The following PLCE1 variants were observed in gnomAD, a reference collection of about 807,000 sequenced individuals.
PLCE1 encodes the protein phospholipase C epsilon 1, also known as 1-phosphatidylinositol 4,5-bisphosphate phosphodiesterase epsilon-1.
Under a neutral mutation model 242.8 loss-of-function variants are expected in PLCE1, and 119 were observed. That is an observed-to-expected ratio of 0.49 (90% confidence interval 0.42 to 0.57). PLCE1 has a LOEUF of 0.57. Ranked by LOEUF, PLCE1 falls within the 20% of genes least tolerant of loss-of-function variation. The pLI is 0.00. For synonymous variants in PLCE1, 945 were observed against 1,017.4 expected, an observed-to-expected ratio of 0.93 and a Z score of 1.35; for missense variants, 2,441 against 2,788.8, an observed-to-expected ratio of 0.88 and a Z score of 2.81.
Position 94,262,465 on chromosome 10 carries a change from G to A in PLCE1, c.3815-29G>A, listed in dbSNP as rs369731018. On this transcript the variant is annotated intron_variant, in intron 13 of 32. Transcript: ENST00000371380. ...CTTTGCAAAAGATGCTGGCTATCTT[G>A]TCCATGTACTGTGGTGATTCTGTTT... 3.1e-4 allele frequency: 452 copies of A among 1,438,084 alleles called. No individual in the cohort carries two copies. The South Asian group carries it at 4.7e-3, about 15-fold the overall frequency. The allele number at this position is 1,438,084 out of a possible 1,614,324, so 89.1% of individuals were successfully genotyped here.
intron 29 of PLCE1, among the ~76,000 whole-genome samples, chr10:94,320,667 T>C (rs971472823): frequency 6.6e-5 from 10 of 152,170 alleles, no homozygotes; most frequent in Non-Finnish European, 1.2e-4. Context: ...TGAGATGAGG[T>C]TGTCTACTGT....
At chr10:94,067,499 T>G (rs566423763) in intron 2 of PLCE1, among the ~76,000 whole-genome samples, 1 of 152,112 alleles carries the variant, frequency 6.6e-6, no homozygotes, top group Non-Finnish European at 1.5e-5. Context: ...TTTAAATAAG[T>G]CAGGTTCAAG....
intron 2 of PLCE1, among the ~76,000 whole-genome samples, chr10:94,084,009 G>C (rs1354744940): frequency 6.6e-6 from 1 of 152,150 alleles, no homozygotes; most frequent in Non-Finnish European, 1.5e-5. Flanking sequence ...ATTAAAGGAG[G>C]CTATCACATA....
At chr10:94,111,339 G>A (rs2135638869) in intron 2 of PLCE1, among the ~76,000 whole-genome samples, 1 of 152,304 alleles carries the variant, frequency 6.6e-6, no homozygotes, top group Non-Finnish European at 1.5e-5. Context: ...AGGCTCACTA[G>A]GACTGAGACA....
At chr10:94,020,917 C>T (rs1318988599) in intron 1 of PLCE1, among the ~76,000 whole-genome samples, 1 of 152,174 alleles carries the variant, frequency 6.6e-6, no homozygotes, top group African/African-American at 2.4e-5. Flanking sequence ...GCAGGCTCCA[C>T]CTCCTGGCTT....
intron 3 of PLCE1, among the ~76,000 whole-genome samples, chr10:94,149,166 C>T (rs1306545224): frequency 2.0e-5 from 3 of 152,208 alleles, no homozygotes; most frequent in Non-Finnish European, 2.9e-5. Context: ...AATCTACCCC[C>T]GTGTGCCAAG....
At chr10:94,033,030 C>T in intron 2 of PLCE1, among the ~76,000 whole-genome samples, 1 of 152,042 alleles carries the variant, frequency 6.6e-6, no homozygotes, top group East Asian at 1.9e-4. Flanking sequence ...TACACTGTAA[C>T]ACTATTTACA....
At chr10:94,229,976 A>G (rs1002171695) in intron 5 of PLCE1, among the ~76,000 whole-genome samples, 6 of 152,232 alleles carry the variant, frequency 3.9e-5, no homozygotes, top group Non-Finnish European at 1.5e-5. Flanking sequence ...CAGAGCTTAT[A>G]TGTGCACTTT....
At chr10:94,016,349 T>C (rs1481005660) in intron 1 of PLCE1, among the ~76,000 whole-genome samples, 1 of 152,150 alleles carries the variant, frequency 6.6e-6, no homozygotes, top group Non-Finnish European at 1.5e-5. Context: ...ATTTGCATTA[T>C]ACATAATGAG....
rs1215283955 is a variant in PLCE1, at chr10:94,319,864, C to CCTTTTTT, written c.6343-2037_6343-2036insCTTTTTT. On this transcript the variant is annotated intron_variant, in intron 29 of 32. Transcript: ENST00000371380. ...GCTCTGAGGGAGGCTCAAAGGTGCT[C>CCTTTTTT]TTTTTTTTTTTTTTTTTTTTTTTGA... Among the ~76,000 whole-genome samples, 102 of 92,938 alleles carry CCTTTTTT rather than the reference C, an allele frequency of 1.1e-3. 1 individual carries two copies. The highest frequency in any genetic ancestry group is 3.8e-3 in the African/African-American group (102 of 26,764). The allele number at this position is 92,938 out of a possible 152,430, so 61.0% of individuals were successfully genotyped here. A position where few individuals can be genotyped will look rare whatever the true frequency, so the allele number is the denominator to read the frequency against.
intron 1 of PLCE1, among the ~76,000 whole-genome samples, chr10:94,012,056 T>G (rs2061179421): frequency 6.6e-6 from 1 of 152,170 alleles, no homozygotes; most frequent in South Asian, 2.1e-4. Flanking sequence ...GCAGGTGTCC[T>G]GCCCTGCCAG....
intron 4 of PLCE1, among the ~76,000 whole-genome samples, chr10:94,190,446 A>G (rs1233257535): frequency 2.0e-5 from 3 of 152,132 alleles, no homozygotes; most frequent in Non-Finnish European, 2.9e-5. Context: ...TTGTCTCTAC[A>G]AATTTAAAAA....
chr10:94,160,999 G>T (rs2047594701), intron 3 of PLCE1, among the ~76,000 whole-genome samples: 1 of 152,108 alleles, frequency 6.6e-6, no homozygotes, highest in Non-Finnish European at 1.5e-5. Flanking sequence ...ATGCTGTTTT[G>T]GTTACTGTAG....
intron 7 of PLCE1, among the ~76,000 whole-genome samples, chr10:94,240,641 C>T (rs956939800): frequency 3.3e-5 from 5 of 152,116 alleles, no homozygotes; most frequent in African/African-American, 7.2e-5. Context: ...AGGAAGCAAA[C>T]GAACACTTAC....
rs763037452 is a variant in PLCE1 at position 94,004,145 on chromosome 10, C to CA, written c.-365+9901dup. Among the ~76,000 whole-genome samples, 942 of 132,344 alleles carry CA rather than the reference C, an allele frequency of 7.1e-3. 2 individuals are homozygous for CA. Among genetic ancestry groups the CA allele is most frequent in the African/African-American group, 0.012 (445 of 36,038 alleles). 86.8% of individuals were successfully genotyped at this position (132,344 alleles called of 152,430 possible). On this transcript the variant is annotated intron_variant, in intron 1 of 32. Coordinates refer to ENST00000371380, the MANE Select transcript of PLCE1 (RefSeq NM_016341.4). The stretch of plus-strand genomic sequence containing the variant: ...TGGGTGACAGAGCGAGATTCCATCT[C>CA]AAAAAAAAAAAAAATTGTAAGCAAG...
chr10:94,190,270 A>G (rs917544484), intron 4 of PLCE1, among the ~76,000 whole-genome samples: 1 of 152,340 alleles, frequency 6.6e-6, no homozygotes, highest in South Asian at 2.1e-4. Context: ...ATAGAGCCCA[A>G]CGTTGTCTCA....
At chr10:94,205,038 A>G (rs2049113421) in intron 4 of PLCE1, among the ~76,000 whole-genome samples, 1 of 152,238 alleles carries the variant, frequency 6.6e-6, no homozygotes, top group Non-Finnish European at 1.5e-5. Flanking sequence ...AGAAAATCTA[A>G]GGAATGAATA....
chr10:94,116,059 G>C (rs1184447379), intron 2 of PLCE1, among the ~76,000 whole-genome samples: 1 of 152,106 alleles, frequency 6.6e-6, no homozygotes, highest in Non-Finnish European at 1.5e-5. Flanking sequence ...CATCTCCAGG[G>C]CTTGCTCATC....
At chr10:94,272,633 C>T (rs983112134) in intron 18 of PLCE1, among the ~76,000 whole-genome samples, 4 of 152,090 alleles carry the variant, frequency 2.6e-5, no homozygotes, top group South Asian at 2.1e-4. Flanking sequence ...GATAAACGTC[C>T]GTGAAATCTT....
Sources: allele counts gnomAD v4.1 joint callset (sites outside exome capture counted in the v4.1 genomes callset), GRCh38; gene constraint gnomAD v4.1.1; transcripts MANE v1.5; gene names NCBI Gene and HGNC (gene_info 2026-07-23, HGNC 2026-07-21).